The following GTPBP10 variants were observed in gnomAD, a reference collection of about 807,000 sequenced individuals.
GTPBP10 encodes the protein GTP-binding protein 10.
Under a neutral mutation model 44.8 loss-of-function variants are expected in GTPBP10, and 38 were observed. The observed-to-expected ratio is 0.85, with a 90% CI of 0.65 to 1.11. The LOEUF is 1.11. GTPBP10 is among the 50% of genes most tolerant of loss of function. The pLI, the probability that GTPBP10 is intolerant of heterozygous loss-of-function variation, is 0.00. For synonymous variants in GTPBP10, 152 were observed against 150.6 expected (o/e 1.01, Z -0.07); for missense variants, 462 against 453.7 (o/e 1.02, Z -0.17).
intron 4 of GTPBP10, among the ~76,000 whole-genome samples, chr7:90,356,597 A>C (rs1795906105): frequency 6.6e-6 from 1 of 152,122 alleles, no homozygotes; most frequent in South Asian, 2.1e-4. Context: ...GTCTTGGGTA[A>C]ATTACACAGC....
chr7:90,359,047 C>A (rs2115648952), intron 4 of GTPBP10, among the ~76,000 whole-genome samples: 1 of 152,044 alleles, frequency 6.6e-6, no homozygotes, highest in Middle Eastern at 3.4e-3. Context: ...AATGATTTAC[C>A]AACTTAGCTA....
At chr7:90,365,968 C>G (rs1364277247) in intron 4 of GTPBP10, among the ~76,000 whole-genome samples, 1 of 152,160 alleles carries the variant, frequency 6.6e-6, no homozygotes, top group Non-Finnish European at 1.5e-5. Flanking sequence ...GAGTTTTTAG[C>G]ATGAAGCGCT....
intron 7 of GTPBP10, 30 bp downstream of exon 7, chr7:90,377,644 C>A: frequency 1.5e-6 from 2 of 1,362,582 alleles, no homozygotes; most frequent in South Asian, 1.4e-5. Flanking sequence ...ATGTGATATT[C>A]AAATAAATTG....
intron 5 of GTPBP10, among the ~76,000 whole-genome samples, chr7:90,373,994 A>G (rs1796303139): frequency 6.6e-6 from 1 of 152,064 alleles, no homozygotes; most frequent in Non-Finnish European, 1.5e-5. Context: ...GTGCACTGCC[A>G]TGTCTGCCTA....
At chr7:90,365,014 A>C (rs1199831256) in intron 4 of GTPBP10, among the ~76,000 whole-genome samples, 2 of 152,212 alleles carry the variant, frequency 1.3e-5, no homozygotes, top group African/African-American at 4.8e-5. Flanking sequence ...CCGATTTTCC[A>C]GGTGCTGTTT....
chr7:90,385,182 A>G lies in GTPBP10; in HGVS notation c.*28A>G. 6.7e-7 allele frequency: 1 copy of G among 1,482,496 alleles called. No homozygotes were observed. 91.8% of individuals were successfully genotyped at this position (1,482,496 alleles called of 1,614,324 possible). On this transcript the variant is annotated 3_prime_UTR_variant, in exon 10 of 10. Transcript: ENST00000222511. Reference sequence around the variant, plus strand: ...ATATTAAAAATGGTATTGATGGAACAGTATTTAATGCTTAAAAACAAGGAA... The same window carrying G: ...ATATTAAAAATGGTATTGATGGAACGGTATTTAATGCTTAAAAACAAGGAA...
In GTPBP10 at chr7:90,382,969, A is replaced by G. The variant is rs1214086327; in HGVS notation, c.791A>G (p.Tyr264Cys). Residue 264 changes from tyrosine to cysteine, a missense_variant, in exon 9 of 10, where the codon TAC becomes TGC. Transcript: ENST00000222511. ...TTTGATTTAAAGGAGTTGGAATTGTACAAAGAGGAACTTCAGACAAAACCT... is the reference window on the plus strand; with the variant it reads ...TTTGATTTAAAGGAGTTGGAATTGTGCAAAGAGGAACTTCAGACAAAACCT... ...IILLTKELEL[Y>C]KEELQTKPAL... 5.7e-6 allele frequency: 9 copies of G among 1,575,576 alleles called. No homozygotes were observed. In the Admixed American group the frequency reaches 1.5e-4, roughly 27 times the overall value.
At chr7:90,382,739 C>T (rs1360823732) in intron 8 of GTPBP10, among the ~76,000 whole-genome samples, 1 of 152,184 alleles carries the variant, frequency 6.6e-6, no homozygotes, top group East Asian at 1.9e-4. Context: ...CGCAAAATTA[C>T]AACTGTCTCT....
At chr7:90,382,327 A>G (rs1210803201) in intron 8 of GTPBP10, among the ~76,000 whole-genome samples, 1 of 152,130 alleles carries the variant, frequency 6.6e-6, no homozygotes, top group East Asian at 1.9e-4. Context: ...TATGTTGTCA[A>G]GGCTTGTCTT....
Position 90,385,215 on chromosome 7 carries a change from C to A in GTPBP10, c.*61C>A. 2 of 1,198,150 alleles carry A rather than the reference C, an allele frequency of 1.7e-6. No homozygotes were observed. The highest frequency in any genetic ancestry group is 2.3e-6 in the Non-Finnish European group (2 of 863,740). 74.2% of individuals were successfully genotyped at this position (1,198,150 alleles called of 1,614,324 possible). A position where few individuals can be genotyped will look rare whatever the true frequency, so the allele number is the denominator to read the frequency against. On this transcript the variant is annotated 3_prime_UTR_variant, in exon 10 of 10. Coordinates refer to ENST00000222511, the MANE Select transcript of GTPBP10 (RefSeq NM_033107.4). ...ATGCTTAAAAACAAGGAAATCCTTTCATCTGTGACAACCTGGAGGACATGT... is the reference window on the plus strand; with the variant it reads ...ATGCTTAAAAACAAGGAAATCCTTTAATCTGTGACAACCTGGAGGACATGT...
chr7:90,349,124 C>T (rs1371574881), intron 1 of GTPBP10, among the ~76,000 whole-genome samples: 1 of 152,210 alleles, frequency 6.6e-6, no homozygotes, highest in Non-Finnish European at 1.5e-5. Context: ...TATAACACAA[C>T]ACAACACCTG....
intron 4 of GTPBP10, among the ~76,000 whole-genome samples, chr7:90,364,754 T>C (rs1274960988): frequency 6.6e-6 from 1 of 152,178 alleles, no homozygotes; most frequent in East Asian, 1.9e-4. Flanking sequence ...CAAGCAGTCC[T>C]TGAGCTGTGG....
chr7:90,370,732 A>C (rs1292129025), intron 4 of GTPBP10, among the ~76,000 whole-genome samples: 1 of 152,184 alleles, frequency 6.6e-6, no homozygotes, highest in Non-Finnish European at 1.5e-5. Context: ...TAGGTCGGAC[A>C]TGGTGGCTCA....
chr7:90,366,542 T>C (rs773785165), intron 4 of GTPBP10, among the ~76,000 whole-genome samples: 1 of 152,214 alleles, frequency 6.6e-6, no homozygotes, highest in Non-Finnish European at 1.5e-5. Context: ...CCATTTCTTC[T>C]AGATTTTCTA....
intron 4 of GTPBP10, among the ~76,000 whole-genome samples, chr7:90,363,123 A>G (rs1332402305): frequency 1.3e-5 from 2 of 152,200 alleles, no homozygotes; most frequent in South Asian, 2.1e-4. Flanking sequence ...TGGAGCATTT[A>G]GCCCATTTAC....
intron 4 of GTPBP10, among the ~76,000 whole-genome samples, chr7:90,364,962 G>C (rs2115685168): frequency 6.6e-6 from 1 of 152,324 alleles, no homozygotes; most frequent in South Asian, 2.1e-4. Context: ...TGTGCCATTT[G>C]CTAAGGCCAT....
chr7:90,364,043 T>G (rs902223155), intron 4 of GTPBP10, among the ~76,000 whole-genome samples: 13 of 152,220 alleles, frequency 8.5e-5, no homozygotes, highest in African/African-American at 3.1e-4. Flanking sequence ...CGTCTAATCT[T>G]TTGTCAAGGT....
chr7:90,372,142 A>T lies in GTPBP10; in HGVS notation c.465-13A>T. On this transcript the variant is annotated splice_polypyrimidine_tract_variant and intron_variant, in intron 4 of 9. Transcript: ENST00000222511. Reference sequence around the variant, plus strand: ...TATTGACATTTGTGTATAATTTTATATTCTTGTTTCAGATTCCCAAATGCT... The same window carrying T: ...TATTGACATTTGTGTATAATTTTATTTTCTTGTTTCAGATTCCCAAATGCT... The T allele has an allele frequency of 6.5e-7, 1 of 1,547,460 alleles. No homozygotes were observed. The highest frequency in any genetic ancestry group is 1.1e-5 in the South Asian group (1 of 88,064).
At chr7:90,380,868 A>G (rs529224817) in intron 8 of GTPBP10, among the ~76,000 whole-genome samples, 6 of 152,302 alleles carry the variant, frequency 3.9e-5, no homozygotes, top group Non-Finnish European at 5.9e-5. Context: ...GATTCCACAT[A>G]TAAGTGGGAT....
Sources: gnomAD v4.1 joint callset for allele counts (sites outside exome capture counted in the v4.1 genomes callset) on GRCh38, gnomAD v4.1.1 for gene constraint, MANE v1.5 for transcripts, NCBI Gene and HGNC (gene_info 2026-07-23, HGNC 2026-07-21) for gene names.